The following PCDHGA2 variants were observed in gnomAD, a reference collection of about 807,000 sequenced individuals.
The protein encoded by PCDHGA2 is protocadherin gamma subfamily A, 2.
In PCDHGA2, 40 loss-of-function variants were observed where a neutral mutation model predicts 59.2. The observed-to-expected ratio is 0.68, with a 90% CI of 0.52 to 0.88. PCDHGA2 has a LOEUF of 0.88. Among genes scored for constraint, PCDHGA2 ranks in the 40% least tolerant of loss-of-function variants. The pLI is 0.00. For synonymous variants in PCDHGA2, 560 were observed against 526.0 expected (o/e 1.06, Z -0.89); for missense variants, 1,226 against 1,204.0 (o/e 1.02, Z -0.27).
intron 1 of PCDHGA2, chr5:141,365,106 C>T (rs1561533210): frequency 6.2e-7 from 1 of 1,613,862 alleles, no homozygotes; most frequent in Non-Finnish European, 8.5e-7. Context: ...CCTGTGGGCA[C>T]TCGGCTGCTC....
At chr5:141,374,221 C>T (rs1290951545) in intron 1 of PCDHGA2, 12 of 1,613,878 alleles carry the variant, frequency 7.4e-6, no homozygotes, top group African/African-American at 6.7e-5. Flanking sequence ...CCTTCGTAGG[C>T]AACATCGTCA....
chr5:141,402,402 T>TTAAGATAC (rs1275769528), intron 1 of PCDHGA2, among the ~76,000 whole-genome samples: 2 of 152,012 alleles, frequency 1.3e-5, no homozygotes, highest in South Asian at 4.1e-4. Context: ...CAGAAAATTG[T>TTAAGATAC]TAAGATACAC....
At chr5:141,378,906 G>A (rs561615275) in intron 1 of PCDHGA2, 2 of 152,278 alleles carry the variant, frequency 1.3e-5, no homozygotes, top group African/African-American at 2.4e-5. Context: ...TTCTGTTATC[G>A]ACAGTCTTCA....
intron 1 of PCDHGA2, chr5:141,378,008 G>C (rs1168840541): frequency 6.6e-6 from 1 of 152,090 alleles, no homozygotes; most frequent in Non-Finnish European, 1.5e-5. Context: ...GCTCAAATAA[G>C]CTCTACTTAT....
chr5:141,360,278 G>A lies in PCDHGA2; in HGVS notation c.2424+18883G>A, dbSNP rs1761512011. On this transcript the variant is annotated intron_variant, in intron 1 of 3. Transcript: ENST00000394576. ...GAGCTGGCCAAAAACTCGGTCGTAGGAAACCTCGCCAAGGATCTGGGGCTC... is the reference window on the plus strand; with the variant it reads ...GAGCTGGCCAAAAACTCGGTCGTAGAAAACCTCGCCAAGGATCTGGGGCTC... 1.9e-6 allele frequency: 3 copies of A among 1,613,846 alleles called. No individual in the cohort carries two copies. In the African/African-American group the frequency reaches 4.0e-5, roughly 22 times the overall value.
chr5:141,505,381 C>T lies in PCDHGA2; in HGVS notation c.2484-12C>T. On this transcript the variant is annotated splice_polypyrimidine_tract_variant and intron_variant, in intron 2 of 3. Transcript: ENST00000394576. Reference sequence around the variant, plus strand: ...CTGGGAGTCTGTGCTCACCATCCTACTCTCTCCCCAGCTCCCAAAATGGCG... The same window carrying T: ...CTGGGAGTCTGTGCTCACCATCCTATTCTCTCCCCAGCTCCCAAAATGGCG... 1 of 1,614,064 alleles carries T rather than the reference C, an allele frequency of 6.2e-7. No homozygotes were observed.
At chr5:141,479,937 C>G (rs1322238189) in intron 1 of PCDHGA2, among the ~76,000 whole-genome samples, 1 of 152,212 alleles carries the variant, frequency 6.6e-6, no homozygotes, top group African/African-American at 2.4e-5. Context: ...TCATTGCTAT[C>G]AACTCTTGGA....
chr5:141,364,593 G>T (rs1404153764), intron 1 of PCDHGA2: 1 of 1,614,096 alleles, frequency 6.2e-7, no homozygotes, highest in Non-Finnish European at 8.5e-7. Flanking sequence ...GTCACCGCGG[G>T]CAGGATAGAC....
chr5:141,356,202 G>T, intron 1 of PCDHGA2: 1 of 1,607,648 alleles, frequency 6.2e-7, no homozygotes, highest in East Asian at 2.2e-5. Context: ...GCAAGGTACT[G>T]GTGACAGTTC....
intron 1 of PCDHGA2, among the ~76,000 whole-genome samples, chr5:141,494,177 TG>T (rs2099752471): frequency 6.6e-6 from 1 of 152,176 alleles, no homozygotes; most frequent in Non-Finnish European, 1.5e-5. Flanking sequence ...GGGTGAGAAG[TG>T]TCCCGGGACT....
rs372911969 is a variant in PCDHGA2 at position 141,346,097 on chromosome 5, C to T, written c.2424+4702C>T. 13 of 1,613,720 alleles carry T rather than the reference C, an allele frequency of 8.1e-6. No individual in the cohort carries two copies. In the African/African-American group the frequency reaches 1.3e-4, roughly 17 times the overall value. Reference sequence around the variant, plus strand: ...CCTCCGCCAAACCCAACGATTCGGACCTCACTCTGTACCTGGTGGTGGCGG... The same window carrying T: ...CCTCCGCCAAACCCAACGATTCGGATCTCACTCTGTACCTGGTGGTGGCGG... On this transcript the variant is annotated intron_variant, in intron 1 of 3. Transcript: ENST00000394576.
At chr5:141,403,157 A>G in intron 1 of PCDHGA2, 3 of 1,614,030 alleles carry the variant, frequency 1.9e-6, no homozygotes, top group Non-Finnish European at 8.5e-7. Context: ...CATCGTCTCT[A>G]GAGGTAGGAC....
chr5:141,492,908 A>G (rs1595151443), intron 1 of PCDHGA2, among the ~76,000 whole-genome samples: 2 of 152,302 alleles, frequency 1.3e-5, no homozygotes, highest in African/African-American at 4.8e-5. Context: ...TCGTGATCAC[A>G]ATGTGCCCAG....
intron 3 of PCDHGA2, among the ~76,000 whole-genome samples, chr5:141,506,441 T>C (rs1940889203): frequency 9.8e-6 from 1 of 101,930 alleles, no homozygotes; most frequent in South Asian, 3.0e-4. Flanking sequence ...TCTCGCTCTG[T>C]CTCAAAAAAA....
intron 1 of PCDHGA2, among the ~76,000 whole-genome samples, chr5:141,455,907 ATTTATTTT>A (rs1199495676): frequency 7.1e-5 from 9 of 126,872 alleles, no homozygotes; most frequent in African/African-American, 1.1e-4. Context: ...TTATTTATTT[ATTTATTTT>A]GAGACGGAGT....
intron 1 of PCDHGA2, chr5:141,372,213 C>T (rs999187008): frequency 1.2e-6 from 2 of 1,613,592 alleles, no homozygotes; most frequent in Non-Finnish European, 1.7e-6. Context: ...GCTGTCCTAC[C>T]ACATTGTGCA....
chr5:141,504,209 C>T (rs1305672612), intron 2 of PCDHGA2, among the ~76,000 whole-genome samples: 1 of 152,180 alleles, frequency 6.6e-6, no homozygotes, highest in Non-Finnish European at 1.5e-5. Flanking sequence ...TGGGAAAATT[C>T]CAAGTAGAGC....
chr5:141,408,461 A>G, intron 1 of PCDHGA2: 4 of 1,614,044 alleles, frequency 2.5e-6, no homozygotes, highest in Non-Finnish European at 3.4e-6. Context: ...CTTACTTGTG[A>G]AGAACCGAAT....
Position 141,477,311 on chromosome 5 carries a change from C to G in PCDHGA2, c.2425-17496C>G. 6.2e-7 allele frequency: 1 copy of G among 1,614,186 alleles called. No individual in the cohort carries two copies. The highest frequency in any genetic ancestry group is 8.5e-7 in the Non-Finnish European group (1 of 1,180,032). ...AGTTCCACCGGGTCTCCCTTTCAGC[C>G]TTACTTCTTCCCTCAAGAATTACTT... On this transcript the variant is annotated intron_variant, in intron 1 of 3. Coordinates refer to ENST00000394576, the MANE Select transcript of PCDHGA2 (RefSeq NM_018915.4). The surrounding 1 kb of genome is among the most constrained non-coding windows in gnomAD (Gnocchi z 4.9).
Sources: allele counts gnomAD v4.1 joint callset (sites outside exome capture counted in the v4.1 genomes callset), GRCh38; gene constraint gnomAD v4.1.1; non-coding constraint Gnocchi (gnomAD v3.1); transcripts MANE v1.5; gene names NCBI Gene and HGNC (gene_info 2026-07-23, HGNC 2026-07-21).